Variants in SOX5 observed in about 807,000 individuals in gnomAD.
SOX5 encodes the protein transcription factor SOX-5.
A neutral mutation model predicts 92.0 loss-of-function variants in SOX5; 9 were observed. The observed-to-expected ratio is 0.10, with a 90% CI of 0.06 to 0.17. The LOEUF is 0.17. Among genes scored for constraint, SOX5 ranks in the 10% least tolerant of loss-of-function variants. SOX5 has a pLI of 1.00. For missense variants in SOX5, 642 were observed against 944.5 expected (o/e 0.68, Z 4.20); for synonymous variants, 344 against 336.3 (o/e 1.02, Z -0.25).
chr12:24,561,053 G>A (rs1185476527), intron 1 of SOX5, among the ~76,000 whole-genome samples: 1 of 152,190 alleles, frequency 6.6e-6, no homozygotes, highest in Admixed American at 6.5e-5. Context: ...GAACTCTGCT[G>A]AGCCAGAAGG....
At chr12:24,499,370 C>T (rs146862815) in intron 1 of SOX5, among the ~76,000 whole-genome samples, 8 of 152,298 alleles carry the variant, frequency 5.3e-5, no homozygotes, top group African/African-American at 1.9e-4. Context: ...TTTACTAAGT[C>T]AACAGCATGA....
intron 8 of SOX5, among the ~76,000 whole-genome samples, chr12:23,621,831 C>T (rs904798620): frequency 6.6e-5 from 10 of 152,078 alleles, no homozygotes; most frequent in South Asian, 4.1e-4. Context: ...GCAAAAACCA[C>T]GGCATTTGCT....
chr12:23,688,293 C>T (rs1446247965), intron 6 of SOX5, among the ~76,000 whole-genome samples: 1 of 151,998 alleles, frequency 6.6e-6, no homozygotes, highest in Non-Finnish European at 1.5e-5. Context: ...ACATTAATGA[C>T]AAGTTTCCAA....
chr12:23,830,729 G>C (rs756480666), intron 3 of SOX5, among the ~76,000 whole-genome samples: 8 of 152,106 alleles, frequency 5.3e-5, no homozygotes, highest in Non-Finnish European at 1.0e-4. Flanking sequence ...TAGGAAAGCC[G>C]ATCTCCATAA....
chr12:24,006,539 AGAG>A (rs955400663), intron 4 of SOX5, among the ~76,000 whole-genome samples: 2 of 151,966 alleles, frequency 1.3e-5, no homozygotes, highest in African/African-American at 4.8e-5. Flanking sequence ...GGATGTTTAC[AGAG>A]ATCACAAGTT....
intron 3 of SOX5, among the ~76,000 whole-genome samples, chr12:24,222,216 A>G (rs770917364): frequency 7.9e-5 from 12 of 152,188 alleles, no homozygotes; most frequent in Non-Finnish European, 1.6e-4. Context: ...GGCCCATGAA[A>G]TGCCAGTAGA....
At chr12:24,118,267 A>G (rs1460618796) in intron 4 of SOX5, among the ~76,000 whole-genome samples, 1 of 152,148 alleles carries the variant, frequency 6.6e-6, no homozygotes, top group African/African-American at 2.4e-5. Flanking sequence ...TCACTACAAA[A>G]ACATGATAAG....
chr12:24,291,426 A>T (rs551803025), intron 2 of SOX5, among the ~76,000 whole-genome samples: 11 of 152,340 alleles, frequency 7.2e-5, no homozygotes, highest in South Asian at 2.1e-4. Flanking sequence ...AACCAGCCTA[A>T]CTTCCATTAA....
intron 4 of SOX5, among the ~76,000 whole-genome samples, chr12:24,030,343 C>T (rs1036796659): frequency 1.3e-5 from 2 of 151,752 alleles, no homozygotes; most frequent in African/African-American, 2.4e-5. Context: ...GGCATAAAAA[C>T]AGACACGTAG....
intron 6 of SOX5, among the ~76,000 whole-genome samples, chr12:23,687,548 A>G (rs1204273535): frequency 2.0e-5 from 3 of 152,048 alleles, no homozygotes; most frequent in Non-Finnish European, 4.4e-5. Context: ...TTTTAAATAT[A>G]TCTAAACCCT....
chr12:24,322,038 A>G (rs1397488760), intron 2 of SOX5, among the ~76,000 whole-genome samples: 2 of 152,010 alleles, frequency 1.3e-5, no homozygotes, highest in Non-Finnish European at 2.9e-5. Context: ...TGGGCACACA[A>G]TTTTCCTTCC....
intron 3 of SOX5, among the ~76,000 whole-genome samples, chr12:24,235,065 G>C (rs1013546087): frequency 2.0e-5 from 3 of 152,158 alleles, no homozygotes; most frequent in Non-Finnish European, 4.4e-5. Flanking sequence ...TGAGATTTTT[G>C]TTTTGTTTGT....
chr12:24,333,384 T>C (rs1323369389), intron 2 of SOX5, among the ~76,000 whole-genome samples: 3 of 152,092 alleles, frequency 2.0e-5, no homozygotes, highest in African/African-American at 7.2e-5. Flanking sequence ...AAGATTACTA[T>C]GTAGACCAAG....
chr12:23,558,300 G>A (rs1289877528), intron 11 of SOX5, among the ~76,000 whole-genome samples: 1 of 152,108 alleles, frequency 6.6e-6, no homozygotes, highest in Non-Finnish European at 1.5e-5. Flanking sequence ...GGCCAGTAAT[G>A]GTCTTAAAGA....
chr12:23,628,748 C>T (rs1213206914), intron 8 of SOX5, among the ~76,000 whole-genome samples: 1 of 151,630 alleles, frequency 6.6e-6, no homozygotes, highest in African/African-American at 2.4e-5. Flanking sequence ...CAGGAAAATA[C>T]TGAAACTTCC....
chr12:23,548,050 ATCTGATAG>A, intron 11 of SOX5, among the ~76,000 whole-genome samples: 1 of 152,144 alleles, frequency 6.6e-6, no homozygotes, highest in African/African-American at 2.4e-5. Context: ...CATCAACATG[ATCTGATAG>A]TCCTCGGGTC....
chr12:24,347,604 G>A (rs1953470362), intron 2 of SOX5, among the ~76,000 whole-genome samples: 1 of 152,134 alleles, frequency 6.6e-6, no homozygotes, highest in African/African-American at 2.4e-5. Flanking sequence ...GGAAATAAAT[G>A]TGTAAGGGGA....
rs536506310 is a variant in SOX5, at chr12:24,149,798, C to T, written c.-2+63545G>A. Among the ~76,000 whole-genome samples, 14 of 151,962 alleles carry T rather than the reference C, an allele frequency of 9.2e-5. No homozygotes were observed. The East Asian group carries it at 1.2e-3, about 13-fold the overall frequency. On this transcript the variant is annotated intron_variant, in intron 4 of 4. Coordinates refer to the SOX5 transcript ENST00000446891. ...TCAACAGATGAATAAAACTGATGAA[C>T]AAACAAATACATAAAATGGGATATT... is the stretch of plus-strand genomic sequence containing the variant.
At chr12:23,760,584 A>G (rs1435603762) in intron 3 of SOX5, among the ~76,000 whole-genome samples, 1 of 138,850 alleles carries the variant, frequency 7.2e-6, no homozygotes, top group Non-Finnish European at 1.6e-5. Flanking sequence ...CTTCACATCA[A>G]TGCCTATGGC....
Sources: gnomAD v4.1 joint callset for allele counts (sites outside exome capture counted in the v4.1 genomes callset) on GRCh38, gnomAD v4.1.1 for gene constraint, MANE v1.5 for transcripts, NCBI Gene and HGNC (gene_info 2026-07-23, HGNC 2026-07-21) for gene names.